The following WARS1 variants were observed in gnomAD, a reference collection of about 807,000 sequenced individuals.
WARS1 encodes tryptophan--tRNA ligase, cytoplasmic.
Under a neutral mutation model 47.8 loss-of-function variants are expected in WARS1, and 17 were observed. The ratio of observed to expected loss-of-function variants is 0.36; its 90% CI spans 0.24 to 0.53. WARS1 has a LOEUF of 0.53. Ranked by LOEUF, WARS1 falls within the 20% of genes least tolerant of loss-of-function variation. The probability of loss-of-function intolerance (pLI) is 0.91; values close to 1 mark genes in which losing one functional copy is unlikely to be tolerated. For synonymous variants in WARS1, 208 were observed against 228.1 expected (o/e 0.91, Z 0.79); for missense variants, 434 against 608.0 (o/e 0.71, Z 3.01).
chr14:100,370,035 G>A (rs1375093182), intron 1 of WARS1, among the ~76,000 whole-genome samples: 1 of 152,076 alleles, frequency 6.6e-6, no homozygotes, highest in Non-Finnish European at 1.5e-5. Context: ...CTAATATATC[G>A]CTGAGCAAAT....
At chr14:100,338,241 T>G (rs1308985383) in intron 9 of WARS1, among the ~76,000 whole-genome samples, 2 of 152,162 alleles carry the variant, frequency 1.3e-5, no homozygotes, top group African/African-American at 4.8e-5. Flanking sequence ...CAACATTCTT[T>G]CAGTGAGCAT....
chr14:100,342,275 A>G (rs750204619), intron 9 of WARS1, 123 bp downstream of exon 9: 1 of 1,375,814 alleles, frequency 7.3e-7, no homozygotes, highest in Non-Finnish European at 1.0e-6. Context: ...CCTGGAGTTC[A>G]GCATTGCTAC....
chr14:100,356,253 G>A (rs1326803091), intron 4 of WARS1, among the ~76,000 whole-genome samples: 1 of 152,164 alleles, frequency 6.6e-6, no homozygotes, highest in East Asian at 1.9e-4. Context: ...TAAGCCAAGA[G>A]GCTACAGTAT....
At chr14:100,359,864 T>C (rs144884145) in intron 4 of WARS1, among the ~76,000 whole-genome samples, 3 of 152,246 alleles carry the variant, frequency 2.0e-5, no homozygotes, top group Non-Finnish European at 2.9e-5. Context: ...TCTTTGCAGG[T>C]AGAATTTGAA....
At chr14:100,337,349 G>C in intron 9 of WARS1, 147 bp from the exon 10 acceptor site, 1 of 1,172,710 alleles carries the variant, frequency 8.5e-7, no homozygotes, top group Non-Finnish European at 1.2e-6. Context: ...GCCGGTTGGG[G>C]GCGCACAGCC....
At chr14:100,336,748 C>G (rs528385178) in intron 10 of WARS1, 10 of 231,764 alleles carry the variant, frequency 4.3e-5, no homozygotes, top group Non-Finnish European at 8.5e-5. Flanking sequence ...AACACAAAAG[C>G]CCCTACTAAT....
chr14:100,354,273 C>T (rs1895175237), intron 5 of WARS1, 174 bp downstream of exon 5: 8 of 875,226 alleles, frequency 9.1e-6, no homozygotes, highest in Non-Finnish European at 1.3e-5. Flanking sequence ...ACTCCATGGT[C>T]CTCTAAAGTG....
chr14:100,344,037 T>C (rs1177673193), intron 7 of WARS1, among the ~76,000 whole-genome samples: 1 of 148,478 alleles, frequency 6.7e-6, no homozygotes, highest in Non-Finnish European at 1.5e-5. Context: ...CCTTCCACCT[T>C]TAATTATCAG....
intron 7 of WARS1, among the ~76,000 whole-genome samples, chr14:100,345,147 G>T (rs1014874047): frequency 2.0e-5 from 3 of 150,174 alleles, no homozygotes; most frequent in Non-Finnish European, 3.0e-5. Flanking sequence ...CCCTCTGCCC[G>T]GCCACCACCC....
intron 4 of WARS1, among the ~76,000 whole-genome samples, chr14:100,359,707 T>C (rs1484634060): frequency 6.6e-6 from 1 of 152,214 alleles, no homozygotes; most frequent in East Asian, 1.9e-4. Context: ...GTTTTGGAAT[T>C]AGATAGTCTT....
At chr14:100,349,904 G>T (rs891996196) in intron 6 of WARS1, among the ~76,000 whole-genome samples, 4 of 152,178 alleles carry the variant, frequency 2.6e-5, no homozygotes, top group Non-Finnish European at 5.9e-5. Context: ...TAGATTTTGA[G>T]TTAAATTCAA....
Position 100,334,667 on chromosome 14 carries a change from A to C in WARS1, c.*208T>G. On this transcript the variant is annotated 3_prime_UTR_variant, in exon 11 of 11. Transcript: ENST00000392882. ...CGACCATGCAATGTTAGCCAGCACCAATTACCCACAATGCTTTGCCCATAA... is the reference window on the plus strand; with the variant it reads ...CGACCATGCAATGTTAGCCAGCACCCATTACCCACAATGCTTTGCCCATAA... 1 of 515,584 alleles carries C rather than the reference A, an allele frequency of 1.9e-6. No homozygotes were observed. The highest frequency in any genetic ancestry group is 2.5e-5 in the South Asian group (1 of 40,008). 31.9% of individuals were successfully genotyped at this position (515,584 alleles called of 1,614,324 possible).
intron 4 of WARS1, among the ~76,000 whole-genome samples, chr14:100,360,001 C>T (rs1049579869): frequency 1.3e-5 from 2 of 152,150 alleles, no homozygotes; most frequent in Admixed American, 6.6e-5. Flanking sequence ...AGGGGGCTGC[C>T]TCAGCCCAGA....
At chr14:100,372,611 ATT>A (rs1318384155) in intron 1 of WARS1, among the ~76,000 whole-genome samples, 1 of 152,152 alleles carries the variant, frequency 6.6e-6, no homozygotes, top group Non-Finnish European at 1.5e-5. Context: ...GTCGAAATCC[ATT>A]TCTCTCTAAG....
intron 2 of WARS1, 47 bp from the exon 3 acceptor site, chr14:100,361,968 G>C: frequency 3.8e-6 from 6 of 1,574,138 alleles, no homozygotes; most frequent in Middle Eastern, 1.7e-4. Flanking sequence ...ACTAATAGCT[G>C]ATATGTGCTG....
chr14:100,339,532 A>G (rs1269550609), intron 9 of WARS1, among the ~76,000 whole-genome samples: 2 of 131,090 alleles, frequency 1.5e-5, no homozygotes, highest in Non-Finnish European at 3.1e-5. Flanking sequence ...CAGAGCTTGC[A>G]GTGAGCCGAG....
At chr14:100,348,432 C>G (rs997265146) in intron 6 of WARS1, among the ~76,000 whole-genome samples, 4 of 152,172 alleles carry the variant, frequency 2.6e-5, no homozygotes, top group Non-Finnish European at 1.5e-5. Context: ...GGCTGAGTTT[C>G]AGGCCCTGGG....
rs1164351366 is a variant in WARS1 at position 100,345,275 on chromosome 14, G to A, written c.826+1471C>T. Among the ~76,000 whole-genome samples the A allele has an allele frequency of 7.9e-5, 12 of 152,088 alleles. 1 individual carries two copies. Among genetic ancestry groups the A allele is most frequent in the African/African-American group, 2.9e-4 (12 of 41,544 alleles). Reference sequence around the variant, plus strand: ...GATTGAGAAATCGGATGGTTGCCGTGTCTGTGTAGAAAGAGGTAGACATGG... The same window carrying A: ...GATTGAGAAATCGGATGGTTGCCGTATCTGTGTAGAAAGAGGTAGACATGG... On this transcript the variant is annotated intron_variant, in intron 7 of 10. Transcript: ENST00000392882.
chr14:100,374,477 G>A (rs756679120), intron 1 of WARS1, among the ~76,000 whole-genome samples: 28 of 152,206 alleles, frequency 1.8e-4, no homozygotes, highest in Non-Finnish European at 3.8e-4. Flanking sequence ...TTTCCACTGT[G>A]GTGGAGGAGC....
Sources: gnomAD v4.1 joint callset for allele counts (sites outside exome capture counted in the v4.1 genomes callset) on GRCh38, gnomAD v4.1.1 for gene constraint, MANE v1.5 for transcripts, NCBI Gene and HGNC (gene_info 2026-07-23, HGNC 2026-07-21) for gene names.